The following DPP6 variants were observed in gnomAD, a reference collection of about 807,000 sequenced individuals.
DPP6 encodes the protein dipeptidyl peptidase like 6.
Under a neutral mutation model 122.6 loss-of-function variants are expected in DPP6, and 69 were observed. The ratio of observed to expected loss-of-function variants is 0.56; its 90% confidence interval spans 0.46 to 0.69. DPP6 has a LOEUF of 0.69. Ranked by LOEUF, DPP6 falls within the 30% of genes least tolerant of loss-of-function variation. The pLI, the probability that DPP6 is intolerant of heterozygous loss-of-function variation, is 0.00. For synonymous variants in DPP6, 418 were observed against 433.1 expected, an observed-to-expected ratio of 0.97 and a Z score of 0.43; for missense variants, 928 against 1,116.9, an observed-to-expected ratio of 0.83 and a Z score of 2.41.
At chr7:153,824,971 C>T in the DPP6 span, among the ~76,000 whole-genome samples, 28 of 152,136 alleles carry the variant, frequency 1.8e-4, no homozygotes, top group African/African-American at 6.5e-4. Context: ...GCAACTGGCC[C>T]GAGACAACTT....
intron 4 of DPP6, among the ~76,000 whole-genome samples, chr7:154,565,097 G>T (rs10271112): frequency 0.3 from 45,152 of 152,032 alleles, 6,995 homozygotes; most frequent in Admixed American, 0.37. Context: ...ACAACTCATG[G>T]GTTGTTGGCC....
intron 3 of DPP6, among the ~76,000 whole-genome samples, chr7:154,480,824 C>T (rs13228962): frequency 0.13 from 20,234 of 152,002 alleles, 2,110 homozygotes; most frequent in African/African-American, 0.28. Flanking sequence ...AAAAAAAATC[C>T]ACCCTATCCA....
intron 1 of DPP6, among the ~76,000 whole-genome samples, chr7:154,384,959 A>G (rs1813957778): frequency 6.6e-6 from 1 of 151,536 alleles, no homozygotes; most frequent in Non-Finnish European, 1.5e-5. Flanking sequence ...AAAGTATTAT[A>G]TAGTTTTTTA....
At chr7:154,331,221 T>C (rs1160420581) in intron 1 of DPP6, among the ~76,000 whole-genome samples, 1 of 152,218 alleles carries the variant, frequency 6.6e-6, no homozygotes, top group Non-Finnish European at 1.5e-5. Context: ...AGAGACGACA[T>C]TGGCAATTCA....
intron 5 of DPP6, among the ~76,000 whole-genome samples, chr7:154,616,784 A>G (rs1442525005): frequency 6.6e-6 from 1 of 152,220 alleles, no homozygotes; most frequent in Non-Finnish European, 1.5e-5. Context: ...GCCTCCAGGG[A>G]ACCACAGTGA....
rs114976485 is a variant in DPP6, at chr7:154,625,810, C to G, written c.628-12011C>G. ...CCCTCTGTTGCCTCTTTCAGCTGCC[C>G]TCAGTCCTTCCCACAATTCATCCCA... On this transcript the variant is annotated intron_variant, in intron 5 of 25. Coordinates refer to ENST00000377770, the MANE Select transcript of DPP6 (RefSeq NM_130797.4). Among the ~76,000 whole-genome samples the G allele has an allele frequency of 8.2e-3, 1,250 of 152,352 alleles. 16 individuals are homozygous for G. Among genetic ancestry groups the G allele is most frequent in the African/African-American group, 0.029 (1,185 of 41,574 alleles).
At chr7:154,529,828 TCAATATC>T (rs1827695657) in intron 3 of DPP6, among the ~76,000 whole-genome samples, 1 of 152,106 alleles carries the variant, frequency 6.6e-6, no homozygotes, top group African/African-American at 2.4e-5. Flanking sequence ...AAATGATAGA[TCAATATC>T]CAAGGTGAGG....
intron 1 of DPP6, among the ~76,000 whole-genome samples, chr7:154,346,396 TC>T (rs1358129339): frequency 2.6e-5 from 4 of 152,102 alleles, no homozygotes; most frequent in African/African-American, 9.7e-5. Context: ...AACCTCCACC[TC>T]CCAGGTTCAA....
In DPP6 at chr7:154,295,543, G is replaced by C. The variant is rs542214552; in HGVS notation, c.244-150671G>C. ...TTTCTCTGCCCTCACTTACAGGTGAGGGAACAGATTTAGAGACGGGGAGTT... is the reference window on the plus strand; with the variant it reads ...TTTCTCTGCCCTCACTTACAGGTGACGGAACAGATTTAGAGACGGGGAGTT... On this transcript the variant is annotated intron_variant, in intron 1 of 25. Coordinates refer to ENST00000377770, the MANE Select transcript of DPP6 (RefSeq NM_130797.4). 2.8e-4 allele frequency among the ~76,000 whole-genome samples: 42 copies of C among 152,244 alleles called. 3 individuals are homozygous for C. Among genetic ancestry groups the C allele is most frequent in the African/African-American group, 9.9e-4 (41 of 41,536 alleles).
chr7:154,794,294 G>T (rs1017600260), intron 11 of DPP6, 92 bp downstream of exon 11: 2 of 1,425,512 alleles, frequency 1.4e-6, no homozygotes, highest in Non-Finnish European at 9.2e-7. Flanking sequence ...CAGCCCTCGG[G>T]CCTGGGACTT....
intron 3 of DPP6, among the ~76,000 whole-genome samples, chr7:154,502,651 T>A (rs969854934): frequency 6.6e-6 from 1 of 152,204 alleles, no homozygotes; most frequent in African/African-American, 2.4e-5. Context: ...ACCTACTTTT[T>A]AAAATTGCCC....
intron 21 of DPP6, among the ~76,000 whole-genome samples, chr7:154,881,740 C>T (rs559909101): frequency 1.3e-5 from 2 of 152,360 alleles, no homozygotes; most frequent in South Asian, 4.1e-4. Flanking sequence ...CGGCCCTGCC[C>T]TGTGGGCTGC....
At chr7:154,715,713 A>C (rs1841446995) in intron 7 of DPP6, among the ~76,000 whole-genome samples, 1 of 152,198 alleles carries the variant, frequency 6.6e-6, no homozygotes, top group Admixed American at 6.5e-5. Flanking sequence ...CGCTTTGCTC[A>C]AGAAGTACTT....
At chr7:153,830,212 C>T in the DPP6 span, among the ~76,000 whole-genome samples, 3 of 152,144 alleles carry the variant, frequency 2.0e-5, no homozygotes, top group Non-Finnish European at 4.4e-5. Flanking sequence ...GATGGCAGAA[C>T]ATTTTCAGTT....
chr7:153,798,729 A>G, the DPP6 span, among the ~76,000 whole-genome samples: 8 of 152,242 alleles, frequency 5.3e-5, no homozygotes, highest in Admixed American at 6.5e-5. Flanking sequence ...GTAATATAAA[A>G]TGAAAGAATT....
At chr7:154,835,618 T>C in intron 16 of DPP6, among the ~76,000 whole-genome samples, 1 of 152,112 alleles carries the variant, frequency 6.6e-6, no homozygotes, top group East Asian at 1.9e-4. Context: ...ACACACATTC[T>C]CAGGCCCCAA....
intron 17 of DPP6, among the ~76,000 whole-genome samples, chr7:154,860,120 C>T (rs1032360435): frequency 3.3e-5 from 5 of 152,152 alleles, no homozygotes; most frequent in African/African-American, 1.2e-4. Flanking sequence ...CCAGGTGGGT[C>T]CATGAAGCAA....
At chr7:153,917,600 A>G (rs1010321378) in intron 1 of DPP6, among the ~76,000 whole-genome samples, 11 of 152,178 alleles carry the variant, frequency 7.2e-5, no homozygotes, top group Non-Finnish European at 1.2e-4. Flanking sequence ...CCTTTCAGTA[A>G]TTGAAAGTGG....
At chr7:153,766,116 T>C in the DPP6 span, among the ~76,000 whole-genome samples, 2 of 152,260 alleles carry the variant, frequency 1.3e-5, no homozygotes, top group Admixed American at 6.5e-5. Context: ...CATTTATGAT[T>C]GACAAATCAG....
Sources: gnomAD v4.1 joint callset for allele counts (sites outside exome capture counted in the v4.1 genomes callset) on GRCh38, gnomAD v4.1.1 for gene constraint, MANE v1.5 for transcripts, NCBI Gene and HGNC (gene_info 2026-07-23, HGNC 2026-07-21) for gene names.